The following RIC8B variants were observed in gnomAD, a reference collection of about 807,000 sequenced individuals.
RIC8B encodes the protein chaperone Ric-8B.
RIC8B carries 16 observed loss-of-function variants against 57.5 expected under a neutral mutation model. That is an observed-to-expected ratio of 0.28 (90% CI 0.19 to 0.42). RIC8B has a LOEUF of 0.42. Ranked by LOEUF, RIC8B falls within the 10% of genes least tolerant of loss-of-function variation. The pLI, the probability that RIC8B is intolerant of heterozygous loss-of-function variation, is 1.00. For missense variants in RIC8B, 481 were observed against 677.0 expected, an observed-to-expected ratio of 0.71 and a Z score of 3.21; for synonymous variants, 216 against 250.8, an observed-to-expected ratio of 0.86 and a Z score of 1.31.
intron 7 of RIC8B, among the ~76,000 whole-genome samples, chr12:106,854,377 T>C (rs182342548): frequency 6.6e-6 from 1 of 152,284 alleles, no homozygotes; most frequent in Non-Finnish European, 1.5e-5. Flanking sequence ...GAACTGTCTC[T>C]TAAGGATATG....
chr12:106,863,919 TTTGTTTTA>T (rs1255940603), intron 8 of RIC8B, among the ~76,000 whole-genome samples: 1 of 152,126 alleles, frequency 6.6e-6, no homozygotes, highest in African/African-American at 2.4e-5. Context: ...TGAGGTCTTT[TTTGTTTTA>T]TTGCCTAGAT....
At chr12:106,806,976 C>T (rs1407418180) in intron 2 of RIC8B, among the ~76,000 whole-genome samples, 1 of 152,170 alleles carries the variant, frequency 6.6e-6, no homozygotes, top group African/African-American at 2.4e-5. Context: ...ACAGAATTTT[C>T]CCCCAAACCT....
chr12:106,847,626 C>T (rs1465251542), intron 6 of RIC8B, among the ~76,000 whole-genome samples: 1 of 152,016 alleles, frequency 6.6e-6, no homozygotes, highest in African/African-American at 2.4e-5. Flanking sequence ...GCTGTGTCTC[C>T]CCTGCCTCTG....
chr12:106,821,717 C>G (rs185506976), intron 3 of RIC8B, among the ~76,000 whole-genome samples: 3 of 152,126 alleles, frequency 2.0e-5, no homozygotes, highest in Admixed American at 6.6e-5. Context: ...TGCAATGACT[C>G]TCTTCAGAAT....
intron 8 of RIC8B, among the ~76,000 whole-genome samples, chr12:106,861,599 A>G (rs538642849): frequency 9.2e-5 from 14 of 152,164 alleles, no homozygotes; most frequent in Admixed American, 8.5e-4. Context: ...CACCATTTAG[A>G]TATTATCAAT....
intron 4 of RIC8B, among the ~76,000 whole-genome samples, chr12:106,827,129 C>T (rs528890707): frequency 6.0e-4 from 91 of 152,236 alleles, no homozygotes; most frequent in Middle Eastern, 3.4e-3. Context: ...GAACTATTAA[C>T]GGACTGCTGT....
rs67378158 is a variant in RIC8B at position 106,822,077 on chromosome 12, C to CAAAAAAAAAAAA, written c.742-3636_742-3625dup. 3.5e-3 allele frequency among the ~76,000 whole-genome samples: 132 copies of CAAAAAAAAAAAA among 38,050 alleles called. 1 individual carries two copies. The highest frequency in any genetic ancestry group is 4.1e-3 in the Non-Finnish European group (91 of 22,088). 25.0% of individuals were successfully genotyped at this position (38,050 alleles called of 152,430 possible). On this transcript the variant is annotated intron_variant, in intron 3 of 9. Transcript: ENST00000392837. ...TGGGCGACAGACCGAGACTCCATCT[C>CAAAAAAAAAAAA]AAAAAAAAAAAAAAAAAAAAAAAAG...
chr12:106,818,154 CAAAAGATAAACACTT>C (rs1307312053), intron 3 of RIC8B, among the ~76,000 whole-genome samples: 6 of 152,052 alleles, frequency 3.9e-5, no homozygotes, highest in African/African-American at 1.4e-4. Flanking sequence ...ACTCACCACT[CAAAAGATAAACACTT>C]TTTTTTCTTT....
intron 2 of RIC8B, among the ~76,000 whole-genome samples, chr12:106,808,867 C>G (rs1490245279): frequency 6.6e-6 from 1 of 152,004 alleles, no homozygotes; most frequent in Non-Finnish European, 1.5e-5. Flanking sequence ...TAGAAATCAC[C>G]TCTTAAGATA....
rs758876525 is a variant in RIC8B at position 106,853,453 on chromosome 12, C to CTTTTTTTTTTTTTTT, written c.1306+1878_1306+1892dup. The stretch of plus-strand genomic sequence containing the variant: ...GACCTCAACAATTCTGCTTTATAGT[C>CTTTTTTTTTTTTTTT]TTTTTTTTTTTTTTTTTTTTTTTTT... On this transcript the variant is annotated intron_variant, in intron 7 of 9. Transcript: ENST00000392837. 2.1e-3 allele frequency among the ~76,000 whole-genome samples: 79 copies of CTTTTTTTTTTTTTTT among 38,038 alleles called. 22 individuals are homozygous for CTTTTTTTTTTTTTTT. The highest frequency in any genetic ancestry group is 7.2e-3 in the East Asian group (6 of 834). 25.0% of individuals were successfully genotyped at this position (38,038 alleles called of 152,430 possible).
chr12:106,806,431 A>G (rs2045025575), intron 2 of RIC8B, among the ~76,000 whole-genome samples: 1 of 151,992 alleles, frequency 6.6e-6, no homozygotes, highest in African/African-American at 2.4e-5. Context: ...CTCCTTTATC[A>G]GTTTTTCTTC....
intron 8 of RIC8B, among the ~76,000 whole-genome samples, chr12:106,864,942 C>T (rs1470453778): frequency 6.6e-6 from 1 of 152,114 alleles, no homozygotes; most frequent in Non-Finnish European, 1.5e-5. Context: ...GCTAGTGTCA[C>T]TTAGAATAAT....
chr12:106,854,502 A>T (rs1240140951), intron 7 of RIC8B, among the ~76,000 whole-genome samples: 3 of 152,176 alleles, frequency 2.0e-5, no homozygotes, highest in Non-Finnish European at 2.9e-5. Context: ...GACTGCATTA[A>T]GAAAGAGGGG....
chr12:106,811,279 C>T (rs547568026), intron 2 of RIC8B, among the ~76,000 whole-genome samples: 1 of 152,292 alleles, frequency 6.6e-6, no homozygotes, highest in East Asian at 1.9e-4. Flanking sequence ...TCAGTTAACC[C>T]TTGACCCTAA....
At chr12:106,878,831 C>CA (rs1223664012) in intron 9 of RIC8B, among the ~76,000 whole-genome samples, 1 of 151,904 alleles carries the variant, frequency 6.6e-6, no homozygotes, top group East Asian at 1.9e-4. Context: ...TGTTCCCCCC[C>CA]CCTTTTCTTC....
intron 2 of RIC8B, among the ~76,000 whole-genome samples, chr12:106,795,017 G>A (rs934998915): frequency 2.6e-5 from 4 of 152,190 alleles, no homozygotes; most frequent in African/African-American, 7.2e-5. Context: ...TGGTGAATGG[G>A]AGCAAAGCTG....
At chr12:106,831,304 C>A (rs1187096111) in intron 4 of RIC8B, among the ~76,000 whole-genome samples, 2 of 152,130 alleles carry the variant, frequency 1.3e-5, no homozygotes, top group Non-Finnish European at 2.9e-5. Context: ...TACTTTAAGT[C>A]CTTTCGTGGC....
chr12:106,861,355 G>A (rs1288894534), intron 8 of RIC8B, among the ~76,000 whole-genome samples: 9 of 151,998 alleles, frequency 5.9e-5, no homozygotes, highest in Non-Finnish European at 1.3e-4. Context: ...CATACATTGT[G>A]CCTTGTTGAC....
chr12:106,859,556 ATTAAC>A (rs1440339050), intron 7 of RIC8B, among the ~76,000 whole-genome samples: 1 of 150,916 alleles, frequency 6.6e-6, no homozygotes, highest in Non-Finnish European at 1.5e-5. Flanking sequence ...CTTTGCATAT[ATTAAC>A]TTGTGAGGTA....
Sources: allele counts gnomAD v4.1 joint callset (sites outside exome capture counted in the v4.1 genomes callset), GRCh38; gene constraint gnomAD v4.1.1; transcripts MANE v1.5; gene names NCBI Gene and HGNC (gene_info 2026-07-23, HGNC 2026-07-21).